The following DRAXIN variants were observed in gnomAD, a reference collection of about 807,000 sequenced individuals.
DRAXIN encodes dorsal repulsive axon guidance protein.
In DRAXIN, 27 loss-of-function variants were observed where a neutral mutation model predicts 33.9. The observed-to-expected ratio is 0.80, with a 90% CI of 0.59 to 1.10. DRAXIN has a LOEUF of 1.10. Among genes scored for constraint, DRAXIN ranks in the 50% least tolerant of loss-of-function variants. The probability of loss-of-function intolerance (pLI) is 0.00; values close to 1 mark genes in which losing one functional copy is unlikely to be tolerated. For missense variants in DRAXIN, 371 were observed against 460.8 expected (o/e 0.81, Z 1.78); for synonymous variants, 178 against 194.0 (o/e 0.92, Z 0.69).
chr1:11,703,492 T>C (rs148770291), intron 1 of DRAXIN, among the ~76,000 whole-genome samples: 5 of 152,020 alleles, frequency 3.3e-5, no homozygotes, highest in Non-Finnish European at 5.9e-5. Flanking sequence ...AAAGTAGAAG[T>C]TGGAGCTGCA....
upstream of DRAXIN, among the ~76,000 whole-genome samples, chr1:11,690,515 G>A (rs1249676838): frequency 6.6e-6 from 1 of 152,198 alleles, no homozygotes; most frequent in African/African-American, 2.4e-5. The surrounding 1 kb of genome is among the most constrained non-coding windows in gnomAD (Gnocchi z 4.2). Flanking sequence ...ACTTGCTCGA[G>A]GTCATAGGGG....
chr1:11,722,976 G>C lies in DRAXIN; in HGVS notation c.*3280G>C, dbSNP rs1195055025. On this transcript the variant is annotated 3_prime_UTR_variant, in exon 7 of 7. Transcript: ENST00000294485. ...CAAGTAGCTGTGACTACAGGCATGT[G>C]CCACCACACCTGGTTAATTTTTGTA... is the stretch of plus-strand genomic sequence containing the variant. 1 of 151,976 alleles carries C rather than the reference G, an allele frequency of 6.6e-6. No homozygotes were observed. Among genetic ancestry groups the C allele is most frequent in the Non-Finnish European group, 1.5e-5 (1 of 68,020 alleles). 9.4% of individuals were successfully genotyped at this position (151,976 alleles called of 1,614,324 possible). A position where few individuals can be genotyped will look rare whatever the true frequency, so the allele number is the denominator to read the frequency against.
At chr1:11,689,730 T>G (rs1362809451), upstream of DRAXIN, among the ~76,000 whole-genome samples, 1 of 152,226 alleles carries the variant, frequency 6.6e-6, no homozygotes, top group Non-Finnish European at 1.5e-5. Flanking sequence ...GTAGTCATTC[T>G]TTTTATTCCT....
rs929136176 is a variant in DRAXIN at position 11,720,748 on chromosome 1, G to C, written c.*1052G>C. On this transcript the variant is annotated 3_prime_UTR_variant, in exon 7 of 7. Transcript: ENST00000294485. ...CATGAACCTGGGCCAAGGCTGTCCA[G>C]CTCCAAGGCCCACGTTCTTGCTGCT... 2.5e-4 allele frequency: 38 copies of C among 152,148 alleles called. No homozygotes were observed. The highest frequency in any genetic ancestry group is 8.9e-4 in the African/African-American group (37 of 41,424). 9.4% of individuals were successfully genotyped at this position (152,148 alleles called of 1,614,324 possible).
At chr1:11,709,892 A>G (rs1641448818) in intron 3 of DRAXIN, among the ~76,000 whole-genome samples, 1 of 152,228 alleles carries the variant, frequency 6.6e-6, no homozygotes, top group Non-Finnish European at 1.5e-5. Context: ...CAGATCTTTA[A>G]AAAAGATATG....
At chr1:11,689,811 C>G (rs1641029032), upstream of DRAXIN, among the ~76,000 whole-genome samples, 1 of 152,032 alleles carries the variant, frequency 6.6e-6, no homozygotes, top group African/African-American at 2.4e-5. Flanking sequence ...TCCAAGAACC[C>G]TCTCCTGAGG....
At chr1:11,719,361 C>T (rs377550337) in intron 6 of DRAXIN, among the ~76,000 whole-genome samples, 2 of 152,192 alleles carry the variant, frequency 1.3e-5, no homozygotes, top group Non-Finnish European at 2.9e-5. Flanking sequence ...ATATGTTCAC[C>T]GCCCCGACCG....
chr1:11,706,199 A>G lies in DRAXIN; in HGVS notation c.-10-50A>G. ...GGCTTTAATCATTTGAGTGAGGGGCAGCAGAGAGAGGCCTGGGGCTGCGCA... is the reference window on the plus strand; with the variant it reads ...GGCTTTAATCATTTGAGTGAGGGGCGGCAGAGAGAGGCCTGGGGCTGCGCA... On this transcript the variant is annotated intron_variant, in intron 1 of 6. Coordinates refer to ENST00000294485, the MANE Select transcript of DRAXIN (RefSeq NM_198545.4). The surrounding 1 kb of genome is among the most constrained non-coding windows in gnomAD (Gnocchi z 5.5). 16 of 1,438,094 alleles carry G rather than the reference A, an allele frequency of 1.1e-5. No homozygotes were observed. The highest frequency in any genetic ancestry group is 1.5e-5 in the Non-Finnish European group (16 of 1,082,982). 89.1% of individuals were successfully genotyped at this position (1,438,094 alleles called of 1,614,324 possible). A position where few individuals can be genotyped will look rare whatever the true frequency, so the allele number is the denominator to read the frequency against.
At chr1:11,700,984 G>C (rs1263221655) in intron 1 of DRAXIN, among the ~76,000 whole-genome samples, 2 of 152,188 alleles carry the variant, frequency 1.3e-5, no homozygotes, top group African/African-American at 2.4e-5. Context: ...GGCTGTTGTG[G>C]GGGGAGGGGC....
At chr1:11,703,435 G>T (rs535129381) in intron 1 of DRAXIN, among the ~76,000 whole-genome samples, 1 of 152,300 alleles carries the variant, frequency 6.6e-6, no homozygotes, top group East Asian at 1.9e-4. Flanking sequence ...GAAAGCAGGG[G>T]TGTGTTTGGG....
chr1:11,706,726 G>A lies in DRAXIN; in HGVS notation c.451+17G>A, dbSNP rs148905209. ...TGCACCAAGGTAGCTGGAGGGCTGCGAGGGGTGGGGATGGGGGTGATTCCT... is the reference window on the plus strand; with the variant it reads ...TGCACCAAGGTAGCTGGAGGGCTGCAAGGGGTGGGGATGGGGGTGATTCCT... On this transcript the variant is annotated intron_variant, in intron 2 of 6. Transcript: ENST00000294485. This position sits in a 1 kb window ranked among gnomAD's most constrained non-coding sequence, Gnocchi z 5.5. 14 of 1,534,534 alleles carry A rather than the reference G, an allele frequency of 9.1e-6. No individual in the cohort carries two copies. The highest frequency in any genetic ancestry group is 3.6e-5 in the South Asian group (3 of 83,030).
In DRAXIN at chr1:11,719,981, C is replaced by T. The variant is rs76115885; in HGVS notation, c.*285C>T. Reference sequence around the variant, plus strand: ...GCCGAGAGTGCCCTCTACTGTCCGACTCCAGCACTGCAACAGCTTCAAGTT... The same window carrying T: ...GCCGAGAGTGCCCTCTACTGTCCGATTCCAGCACTGCAACAGCTTCAAGTT... On this transcript the variant is annotated 3_prime_UTR_variant, in exon 7 of 7. Coordinates refer to ENST00000294485, the MANE Select transcript of DRAXIN (RefSeq NM_198545.4). The T allele has an allele frequency of 6.4e-3, 2,527 of 393,378 alleles. 56 individuals carry two copies. The highest frequency in any genetic ancestry group is 0.042 in the African/African-American group (2,124 of 50,222). The allele number at this position is 393,378 out of a possible 1,614,324, so 24.4% of individuals were successfully genotyped here. A position where few individuals can be genotyped will look rare whatever the true frequency, so the allele number is the denominator to read the frequency against.
chr1:11,686,807 T>TAAAAA (rs560855200), upstream of DRAXIN, among the ~76,000 whole-genome samples: 1 of 104,498 alleles, frequency 9.6e-6, no homozygotes, highest in Admixed American at 1.1e-4. Flanking sequence ...ACTGCCACTT[T>TAAAAA]AAAAAAAAAA....
chr1:11,713,890 G>A (rs1321742800), intron 5 of DRAXIN, among the ~76,000 whole-genome samples: 2 of 152,100 alleles, frequency 1.3e-5, no homozygotes, highest in East Asian at 1.9e-4. Context: ...AAAATTAGCC[G>A]GGCATGGTGG....
intron 1 of DRAXIN, among the ~76,000 whole-genome samples, chr1:11,698,384 C>T (rs548796310): frequency 2.0e-5 from 3 of 152,118 alleles, no homozygotes; most frequent in South Asian, 2.1e-4. Flanking sequence ...CCTAGGGGGC[C>T]GGGGCTCCAG....
intron 2 of DRAXIN, among the ~76,000 whole-genome samples, chr1:11,708,413 C>G (rs1439021437): frequency 6.6e-6 from 1 of 152,212 alleles, no homozygotes; most frequent in Non-Finnish European, 1.5e-5. Flanking sequence ...GAGTTGGAGA[C>G]CAACCTGGGC....
chr1:11,710,389 G>T (rs369038526), intron 3 of DRAXIN, among the ~76,000 whole-genome samples: 3 of 152,184 alleles, frequency 2.0e-5, no homozygotes, highest in African/African-American at 7.2e-5. Flanking sequence ...CAGCTACTTG[G>T]GAGGCTGAGG....
In DRAXIN at chr1:11,692,833, C is replaced by T. The variant is rs2100726984; in HGVS notation, c.-11+980C>T. Among the ~76,000 whole-genome samples the T allele has an allele frequency of 6.6e-6, 1 of 152,282 alleles. No individual in the cohort carries two copies. Among genetic ancestry groups the T allele is most frequent in the South Asian group, 2.1e-4 (1 of 4,830 alleles). On this transcript the variant is annotated intron_variant, in intron 1 of 6. Transcript: ENST00000294485. This position sits in a 1 kb window ranked among gnomAD's most constrained non-coding sequence, Gnocchi z 5.8. ...ATCTCGGACAAAGGAATGCACCTCT[C>T]TGAGCCTCAGTGTTCCTGTCACAAA...
Position 11,711,851 on chromosome 1 carries a change from C to G in DRAXIN, c.643C>G (p.Gln215Glu). ...CATCCCCCTTCTCCACGGTCTCCAG[C>G]AGGCACAGCCCAGGTCTGACGGGGA... ...ILPVTSLRPQ[Q>E]AQPRSDGEVM... The change falls in exon 4 of 7, where the codon CAG becomes GAG. Residue 215 changes from glutamine (Q) to glutamate (E), a missense_variant and splice_region_variant. Gln to Glu is a conservative substitution (Grantham distance 29). Coordinates refer to ENST00000294485, the MANE Select transcript of DRAXIN (RefSeq NM_198545.4). 1 of 1,612,064 alleles carries G rather than the reference C, an allele frequency of 6.2e-7. No homozygotes were observed.
Sources: gnomAD v4.1 joint callset for allele counts (sites outside exome capture counted in the v4.1 genomes callset) on GRCh38, gnomAD v4.1.1 for gene constraint, Gnocchi (gnomAD v3.1) non-coding constraint, MANE v1.5 for transcripts, NCBI Gene and HGNC (gene_info 2026-07-23, HGNC 2026-07-21) for gene names.